The following ANKRD6 variants were observed in gnomAD, a reference collection of about 807,000 sequenced individuals.
The protein encoded by ANKRD6 is ankyrin repeat domain-containing protein 6.
A neutral mutation model predicts 82.3 loss-of-function variants in ANKRD6; 56 were observed. The ratio of observed to expected loss-of-function variants is 0.68; its 90% CI spans 0.55 to 0.85. ANKRD6 has a LOEUF of 0.85. Ranked by LOEUF, ANKRD6 falls within the 40% of genes least tolerant of loss-of-function variation. The probability of loss-of-function intolerance (pLI) is 0.00; values close to 1 mark genes in which losing one functional copy is unlikely to be tolerated. For missense variants in ANKRD6, 852 were observed against 907.6 expected, an observed-to-expected ratio of 0.94 and a Z score of 0.79; for synonymous variants, 347 against 352.1, an observed-to-expected ratio of 0.99 and a Z score of 0.16.
At chr6:89,555,197 A>C (rs1299514241) in intron 1 of ANKRD6, among the ~76,000 whole-genome samples, 1 of 149,476 alleles carries the variant, frequency 6.7e-6, no homozygotes, top group South Asian at 2.1e-4. Context: ...TTGTCCTCTA[A>C]GTCTACATCC....
At chr6:89,490,112 G>C (rs1268320748) in intron 1 of ANKRD6, among the ~76,000 whole-genome samples, 1 of 152,076 alleles carries the variant, frequency 6.6e-6, no homozygotes, top group African/African-American at 2.4e-5. Context: ...TTTTTCCTTA[G>C]TTTTCTGGTC....
intron 5 of ANKRD6, among the ~76,000 whole-genome samples, chr6:89,611,992 T>C (rs1427165810): frequency 6.6e-6 from 1 of 152,186 alleles, no homozygotes; most frequent in Non-Finnish European, 1.5e-5. Context: ...ATTTCCCAGG[T>C]AAGGAATTTG....
At chr6:89,439,670 A>G (rs1248273351) in intron 1 of ANKRD6, among the ~76,000 whole-genome samples, 5 of 152,160 alleles carry the variant, frequency 3.3e-5, no homozygotes, top group African/African-American at 1.2e-4. Context: ...CCAAATAATT[A>G]AAATTTACCA....
At chr6:89,462,242 T>A (rs2753940) in intron 1 of ANKRD6, among the ~76,000 whole-genome samples, 1,761 of 34,802 alleles carry the variant, frequency 0.051, 54 homozygotes, top group East Asian at 0.43. Flanking sequence ...AAAATAATAA[T>A]AATAATAATA....
rs1260121151 is a variant in ANKRD6 at position 89,524,887 on chromosome 6, AT to A, written c.-143-41935del. Among the ~76,000 whole-genome samples, 1,079 of 145,048 alleles carry A rather than the reference AT, an allele frequency of 7.4e-3. 9 individuals are homozygous for A. The highest frequency in any genetic ancestry group is 0.022 in the African/African-American group (889 of 39,804). ...CCTATTCACATCCATGCCAACATCT[AT>A]TTTTTTTTTTTAATTTTTAAATTAT... On this transcript the variant is annotated intron_variant, in intron 1 of 15. Transcript: ENST00000339746.
At chr6:89,436,661 G>C (rs1294975670) in intron 1 of ANKRD6, among the ~76,000 whole-genome samples, 1 of 152,170 alleles carries the variant, frequency 6.6e-6, no homozygotes, top group African/African-American at 2.4e-5. Flanking sequence ...CCAGGGGTAG[G>C]GGGAGGACAG....
At chr6:89,558,191 C>T (rs1324923100) in intron 1 of ANKRD6, among the ~76,000 whole-genome samples, 4 of 152,182 alleles carry the variant, frequency 2.6e-5, no homozygotes, top group Non-Finnish European at 5.9e-5. Context: ...GCTGTGCTGC[C>T]ATATTACCCA....
intron 2 of ANKRD6, among the ~76,000 whole-genome samples, chr6:89,584,816 G>A (rs1025496298): frequency 1.3e-5 from 2 of 152,164 alleles, no homozygotes; most frequent in African/African-American, 4.8e-5. Context: ...AGTTTTGTAG[G>A]ATGGGAAGTC....
intron 2 of ANKRD6, among the ~76,000 whole-genome samples, chr6:89,585,679 C>T (rs1021459401): frequency 2.5e-4 from 38 of 152,166 alleles, no homozygotes; most frequent in Admixed American, 2.3e-3. Context: ...GAGGCCAAGG[C>T]GGGTGGATCA....
chr6:89,628,923 A>T, intron 14 of ANKRD6, 189 bp from the exon 15 acceptor site: 1 of 607,478 alleles, frequency 1.6e-6, no homozygotes, highest in Non-Finnish European at 2.8e-6. Flanking sequence ...AAATTTCAAC[A>T]TGAGATTTGG....
intron 2 of ANKRD6, among the ~76,000 whole-genome samples, chr6:89,570,480 C>A (rs1226214630): frequency 2.0e-5 from 3 of 152,152 alleles, no homozygotes; most frequent in Non-Finnish European, 4.4e-5. Context: ...TATTGTGCAA[C>A]CATCACCACC....
intron 2 of ANKRD6, among the ~76,000 whole-genome samples, chr6:89,570,072 T>C (rs1166708611): frequency 6.7e-6 from 1 of 150,020 alleles, no homozygotes; most frequent in African/African-American, 2.4e-5. Context: ...TATGTGTGTG[T>C]GTGTGTGTGT....
At chr6:89,479,166 CAG>C (rs1378472732) in intron 1 of ANKRD6, among the ~76,000 whole-genome samples, 1 of 152,152 alleles carries the variant, frequency 6.6e-6, no homozygotes, top group Non-Finnish European at 1.5e-5. Flanking sequence ...GGGCGATAAA[CAG>C]GGCATCATGG....
chr6:89,449,322 G>A (rs547693685), intron 1 of ANKRD6, among the ~76,000 whole-genome samples: 25 of 152,344 alleles, frequency 1.6e-4, no homozygotes, highest in Non-Finnish European at 2.6e-4. Context: ...AGTTAGAAGT[G>A]CAGCCTGAAG....
At chr6:89,550,551 G>A (rs1264634950) in intron 1 of ANKRD6, among the ~76,000 whole-genome samples, 1 of 152,202 alleles carries the variant, frequency 6.6e-6, no homozygotes, top group Non-Finnish European at 1.5e-5. Flanking sequence ...GTGAGGGGCT[G>A]CTGGATACTG....
chr6:89,478,595 G>A (rs1052245807), intron 1 of ANKRD6, among the ~76,000 whole-genome samples: 19 of 151,270 alleles, frequency 1.3e-4, no homozygotes, highest in Admixed American at 9.2e-4. Flanking sequence ...TTAGCCAGGC[G>A]TGGTGGTGTG....
intron 1 of ANKRD6, among the ~76,000 whole-genome samples, chr6:89,440,238 G>A (rs1448649080): frequency 1.3e-5 from 2 of 152,152 alleles, no homozygotes; most frequent in African/African-American, 4.8e-5. Flanking sequence ...GGCTTATATA[G>A]CATCTTCAAC....
intron 2 of ANKRD6, among the ~76,000 whole-genome samples, chr6:89,580,844 C>A (rs976191071): frequency 5.9e-5 from 9 of 152,228 alleles, no homozygotes; most frequent in Admixed American, 5.9e-4. Flanking sequence ...TAAGCTGTCA[C>A]TCCCCAGGAC....
At chr6:89,555,906 G>T (rs1361897086) in intron 1 of ANKRD6, among the ~76,000 whole-genome samples, 1 of 152,182 alleles carries the variant, frequency 6.6e-6, no homozygotes, top group East Asian at 1.9e-4. Flanking sequence ...AAATCAAGGC[G>T]GGGGAGGGAG....
Sources: gnomAD v4.1 joint callset for allele counts (sites outside exome capture counted in the v4.1 genomes callset) on GRCh38, gnomAD v4.1.1 for gene constraint, MANE v1.5 for transcripts, NCBI Gene and HGNC (gene_info 2026-07-23, HGNC 2026-07-21) for gene names.